The following ATG7 variants were observed in gnomAD, a reference collection of about 807,000 sequenced individuals.
ATG7 encodes the protein autophagy related 7.
Under a neutral mutation model 82.4 loss-of-function variants are expected in ATG7, and 70 were observed. The observed-to-expected ratio is 0.85, with a 90% CI of 0.70 to 1.04. The LOEUF is 1.04. Among genes scored for constraint, ATG7 ranks in the 50% least tolerant of loss-of-function variants. ATG7 has a pLI of 0.00. For missense variants in ATG7, 792 were observed against 864.3 expected, an observed-to-expected ratio of 0.92 and a Z score of 1.05; for synonymous variants, 287 against 313.0, an observed-to-expected ratio of 0.92 and a Z score of 0.88.
At chr3:11,387,660 A>T (rs1193686256) in intron 19 of ATG7, among the ~76,000 whole-genome samples, 2 of 152,184 alleles carry the variant, frequency 1.3e-5, no homozygotes, top group African/African-American at 4.8e-5. Flanking sequence ...GAAAGCAGTC[A>T]CCACTGTTCC....
At position 11,457,163 on chromosome 3, in the gene ATG7, A is replaced by T. The variant is rs1315295121; in HGVS notation, c.2079+30237A>T. 2.0e-5 allele frequency among the ~76,000 whole-genome samples: 3 copies of T among 152,170 alleles called. No individual in the cohort carries two copies. In the East Asian group the frequency reaches 5.8e-4, roughly 29 times the overall value. On this transcript the variant is annotated intron_variant, in intron 20 of 20. Coordinates refer to ENST00000693202, the MANE Select transcript of ATG7 (RefSeq NM_001349232.2). Reference sequence around the variant, plus strand: ...CCTAAGAAAACAGCTTACCCAAATGAGCGGAAAGATGCCAGGTTTATAAAA... The same window carrying T: ...CCTAAGAAAACAGCTTACCCAAATGTGCGGAAAGATGCCAGGTTTATAAAA...
At chr3:11,372,222 T>C (rs930205936) in intron 18 of ATG7, among the ~76,000 whole-genome samples, 5 of 151,214 alleles carry the variant, frequency 3.3e-5, no homozygotes, top group Non-Finnish European at 7.4e-5. Context: ...TTGGGATTCT[T>C]CTAGGCTCTG....
intron 9 of ATG7, among the ~76,000 whole-genome samples, chr3:11,317,741 C>T (rs2606753): frequency 0.52 from 78,569 of 151,860 alleles, 21,596 homozygotes; most frequent in Non-Finnish European, 0.63. Context: ...TACAGGTGCG[C>T]ACCATCATGC....
At chr3:11,466,773 A>G (rs1380067980) in intron 20 of ATG7, among the ~76,000 whole-genome samples, 2 of 152,220 alleles carry the variant, frequency 1.3e-5, no homozygotes, top group African/African-American at 4.8e-5. Context: ...GACAGCTTGT[A>G]GTACACTCAT....
At chr3:11,389,439 T>C (rs1208760822) in intron 19 of ATG7, among the ~76,000 whole-genome samples, 1 of 116,034 alleles carries the variant, frequency 8.6e-6, no homozygotes, top group African/African-American at 4.4e-5. Flanking sequence ...TGTTAGTGCT[T>C]TTTTTTTTTT....
At chr3:11,273,654 T>G (rs905404665) in intron 1 of ATG7, among the ~76,000 whole-genome samples, 2 of 152,214 alleles carry the variant, frequency 1.3e-5, no homozygotes, top group Admixed American at 1.3e-4. Flanking sequence ...ATTTGTTGGA[T>G]GAATGAATAA....
At chr3:11,308,894 C>G (rs985232491) in intron 6 of ATG7, 90 bp from the exon 7 acceptor site, 9 of 1,193,188 alleles carry the variant, frequency 7.5e-6, no homozygotes, top group Non-Finnish European at 1.1e-5. Context: ...GAAAGAAGAG[C>G]CTGGTGCTTT....
intron 19 of ATG7, among the ~76,000 whole-genome samples, chr3:11,419,575 C>T (rs912436585): frequency 6.6e-6 from 1 of 151,970 alleles, no homozygotes; most frequent in African/African-American, 2.4e-5. Flanking sequence ...AAAAAAAACA[C>T]ACTACAAACC....
intron 20 of ATG7, among the ~76,000 whole-genome samples, chr3:11,434,779 G>A (rs1389365072): frequency 6.6e-6 from 1 of 152,134 alleles, no homozygotes; most frequent in Non-Finnish European, 1.5e-5. Context: ...GGTATAATCC[G>A]CTTGGAGAAG....
intron 20 of ATG7, among the ~76,000 whole-genome samples, chr3:11,482,443 A>G (rs1289023662): frequency 2.6e-5 from 4 of 152,140 alleles, no homozygotes; most frequent in Non-Finnish European, 4.4e-5. Context: ...TTACTACCGT[A>G]TCTTTTTGGT....
At position 11,350,637 on chromosome 3, in the gene ATG7, T is replaced by TC. The variant is rs2075463261; in HGVS notation, c.1284+2604dup. Among the ~76,000 whole-genome samples the TC allele has an allele frequency of 2.0e-5, 3 of 152,140 alleles. No homozygotes were observed. The South Asian group carries it at 6.2e-4, about 31-fold the overall frequency. The stretch of plus-strand genomic sequence containing the variant: ...TCAACAGTGGTACAGTGCAATGTCT[T>TC]CCATTTCTGTTACCAAAGCGAGTCA... On this transcript the variant is annotated intron_variant, in intron 14 of 20. Transcript: ENST00000693202.
At chr3:11,425,774 T>A (rs1327563609) in intron 19 of ATG7, among the ~76,000 whole-genome samples, 1 of 152,226 alleles carries the variant, frequency 6.6e-6, no homozygotes, top group Admixed American at 6.5e-5. Context: ...ATAAATAAAT[T>A]ATTGCCAGCA....
At position 11,465,087 on chromosome 3, in the gene ATG7, A is replaced by AAG. The variant is rs572597928; in HGVS notation, c.2079+38162_2079+38163dup. On this transcript the variant is annotated intron_variant, in intron 20 of 20. Transcript: ENST00000693202. ...TATCAAATCAATCTCTAAAAACCTA[A>AAG]AGTGTGTGTGTGTGTGTGTGTGTGT... 7.9e-4 allele frequency among the ~76,000 whole-genome samples: 52 copies of AAG among 65,414 alleles called. No homozygotes were observed. The East Asian group carries it at 0.038, about 48-fold the overall frequency. The allele number at this position is 65,414 out of a possible 152,430, so 42.9% of individuals were successfully genotyped here.
At chr3:11,552,619 C>T (rs188955517) in intron 20 of ATG7, among the ~76,000 whole-genome samples, 4 of 152,322 alleles carry the variant, frequency 2.6e-5, no homozygotes, top group African/African-American at 9.6e-5. Context: ...GAGAGCCCGT[C>T]CCTGCCCCAG....
chr3:11,299,055 G>T (rs1360943993), intron 4 of ATG7, 200 bp downstream of exon 4: 21 of 643,558 alleles, frequency 3.3e-5, no homozygotes, highest in Non-Finnish European at 4.1e-5. Flanking sequence ...AAGAAAGAGA[G>T]TAGTGAAACT....
chr3:11,471,384 A>T (rs975802709), intron 20 of ATG7, among the ~76,000 whole-genome samples: 12 of 152,150 alleles, frequency 7.9e-5, no homozygotes, highest in Non-Finnish European at 1.8e-4. Flanking sequence ...CTGAATTGTC[A>T]TTATGTGTGA....
At chr3:11,523,807 A>C (rs1403596162) in intron 20 of ATG7, among the ~76,000 whole-genome samples, 1 of 152,248 alleles carries the variant, frequency 6.6e-6, no homozygotes, top group African/African-American at 2.4e-5. Context: ...CTAACATGGA[A>C]AAACTAGAAA....
chr3:11,575,430 T>C, the ATG7 span, among the ~76,000 whole-genome samples: 8 of 152,340 alleles, frequency 5.3e-5, 1 homozygote, highest in South Asian at 1.7e-3. Flanking sequence ...GCAGCTCAGC[T>C]GGAATGTGCA....
downstream of ATG7, chr3:11,558,971 C>T (rs1343404727): frequency 6.8e-6 from 7 of 1,026,744 alleles, no homozygotes; most frequent in East Asian, 5.2e-5. Flanking sequence ...CCACCTCCCC[C>T]GGCTAAGTCA....
Sources: allele counts gnomAD v4.1 joint callset (sites outside exome capture counted in the v4.1 genomes callset), GRCh38; gene constraint gnomAD v4.1.1; transcripts MANE v1.5; gene names NCBI Gene and HGNC (gene_info 2026-07-23, HGNC 2026-07-21).